HS6ST3: variants seen among roughly 807,000 people sequenced by gnomAD.
HS6ST3 encodes heparan-sulfate 6-O-sulfotransferase 3.
Under a neutral mutation model 36.7 loss-of-function variants are expected in HS6ST3, and 12 were observed. The observed-to-expected ratio is 0.33, with a 90% confidence interval of 0.21 to 0.53. The LOEUF (loss-of-function observed/expected upper bound fraction) is 0.53. Ranked by LOEUF, HS6ST3 falls within the 20% of genes least tolerant of loss-of-function variation. HS6ST3 has a pLI of 0.95. For synonymous variants in HS6ST3, 240 were observed against 257.5 expected, an observed-to-expected ratio of 0.93 and a Z score of 0.65; for missense variants, 584 against 640.9, an observed-to-expected ratio of 0.91 and a Z score of 0.96.
At chr13:96,668,545 T>C (rs1221175832) in intron 1 of HS6ST3, among the ~76,000 whole-genome samples, 1 of 152,072 alleles carries the variant, frequency 6.6e-6, no homozygotes, top group Admixed American at 6.6e-5. Flanking sequence ...ACAGAGCTAC[T>C]GTCGCTGCTA....
At chr13:96,630,972 G>T (rs2056530201) in intron 1 of HS6ST3, among the ~76,000 whole-genome samples, 1 of 152,004 alleles carries the variant, frequency 6.6e-6, no homozygotes, top group African/African-American at 2.4e-5. Context: ...ATATTTTTTA[G>T]AAGTACAGCT....
chr13:96,656,996 T>TGAGAGAGAGA (rs1175623855), intron 1 of HS6ST3, among the ~76,000 whole-genome samples: 2 of 124,078 alleles, frequency 1.6e-5, no homozygotes, highest in African/African-American at 6.0e-5. Context: ...TGTGTGTGTG[T>TGAGAGAGAGA]GTGAGAGAGA....
At chr13:96,258,344 T>C (rs1282205392) in intron 1 of HS6ST3, among the ~76,000 whole-genome samples, 2 of 151,882 alleles carry the variant, frequency 1.3e-5, no homozygotes, top group East Asian at 3.9e-4. Flanking sequence ...CTAGTTCTCA[T>C]GTCAGATGTT....
At chr13:96,157,488 G>A (rs1309802407) in intron 1 of HS6ST3, among the ~76,000 whole-genome samples, 1 of 152,190 alleles carries the variant, frequency 6.6e-6, no homozygotes, top group African/African-American at 2.4e-5. Flanking sequence ...TGACATTTCA[G>A]AAAGCAATGA....
At position 96,424,471 on chromosome 13, in the gene HS6ST3, A is replaced by T. The variant is rs111708683; in HGVS notation, c.707+332902A>T. 1.7e-3 allele frequency among the ~76,000 whole-genome samples: 262 copies of T among 152,338 alleles called. 1 individual carries two copies. The highest frequency in any genetic ancestry group is 6.0e-3 in the African/African-American group (249 of 41,590). On this transcript the variant is annotated intron_variant, in intron 1 of 1. Transcript: ENST00000376705. ...AATTTACAATAAACCCTGAAGTGAC[A>T]TCTTAGTCCCTTTGAGTTGCTGTAA...
intron 1 of HS6ST3, among the ~76,000 whole-genome samples, chr13:96,259,355 A>G (rs2054653101): frequency 6.6e-6 from 1 of 152,130 alleles, no homozygotes; most frequent in Non-Finnish European, 1.5e-5. Flanking sequence ...AGACCTAGAA[A>G]GCTCCCCTGA....
chr13:96,562,257 AG>A (rs1222780848), intron 1 of HS6ST3, among the ~76,000 whole-genome samples: 1 of 152,202 alleles, frequency 6.6e-6, no homozygotes, highest in Non-Finnish European at 1.5e-5. Flanking sequence ...CATTATCCTA[AG>A]CAAATTAACA....
In HS6ST3 at chr13:96,834,923, A is replaced by G. The variant is rs573407494; in HGVS notation, c.*1725A>G. On this transcript the variant is annotated 3_prime_UTR_variant, in exon 2 of 2. Transcript: ENST00000376705. ...CATCTGGGGTGCAAGGGAAGGCATTATCGGGTGGCTCCCTTGCTCCAGGAA... is the reference window on the plus strand; with the variant it reads ...CATCTGGGGTGCAAGGGAAGGCATTGTCGGGTGGCTCCCTTGCTCCAGGAA... The G allele has an allele frequency of 3.3e-5, 5 of 152,678 alleles. No homozygotes were observed. The highest frequency in any genetic ancestry group is 7.3e-5 in the Non-Finnish European group (5 of 68,034). The allele number at this position is 152,678 out of a possible 1,614,324, so 9.5% of individuals were successfully genotyped here. A position where few individuals can be genotyped will look rare whatever the true frequency, so the allele number is the denominator to read the frequency against.
At chr13:96,676,693 C>T (rs181579900) in intron 1 of HS6ST3, among the ~76,000 whole-genome samples, 26 of 152,184 alleles carry the variant, frequency 1.7e-4, no homozygotes, top group Admixed American at 1.0e-3. Context: ...AGGTCTAAGT[C>T]ATAATTTTCT....
intron 1 of HS6ST3, among the ~76,000 whole-genome samples, chr13:96,143,542 T>C (rs1167446105): frequency 2.0e-5 from 3 of 151,494 alleles, no homozygotes; most frequent in Non-Finnish European, 4.4e-5. Flanking sequence ...ATAATTGAAT[T>C]TCTAAATTAT....
At chr13:96,721,531 C>T (rs995976349) in intron 1 of HS6ST3, among the ~76,000 whole-genome samples, 1 of 152,082 alleles carries the variant, frequency 6.6e-6, no homozygotes, top group Non-Finnish European at 1.5e-5. Flanking sequence ...TAATGTCAAA[C>T]GAGCCAATCT....
chr13:96,641,340 G>T (rs766999389), intron 1 of HS6ST3, among the ~76,000 whole-genome samples: 20 of 151,320 alleles, frequency 1.3e-4, no homozygotes, highest in Non-Finnish European at 2.2e-4. Flanking sequence ...GTATAGAAAT[G>T]CTACTGATCT....
intron 1 of HS6ST3, among the ~76,000 whole-genome samples, chr13:96,429,646 C>T (rs1440730155): frequency 6.6e-6 from 1 of 152,122 alleles, no homozygotes; most frequent in Non-Finnish European, 1.5e-5. Flanking sequence ...TATTTGAAGT[C>T]CAGAGAAATT....
chr13:96,685,859 A>C (rs999777629), intron 1 of HS6ST3, among the ~76,000 whole-genome samples: 1 of 152,070 alleles, frequency 6.6e-6, no homozygotes, highest in Admixed American at 6.6e-5. Flanking sequence ...TGCCACTTTC[A>C]TTCCCTGACA....
chr13:96,139,567 A>AAAAAAAAAAAAAAAAAAAAAAAAT (rs1491242538), intron 1 of HS6ST3, among the ~76,000 whole-genome samples: 3 of 138,696 alleles, frequency 2.2e-5, no homozygotes, highest in Admixed American at 7.1e-5. Context: ...AAAAAAAAAA[A>AAAAAAAAAAAAAAAAAAAAAAAAT]TCCATGTATA....
chr13:96,294,514 C>T (rs1451409732), intron 1 of HS6ST3, among the ~76,000 whole-genome samples: 1 of 152,102 alleles, frequency 6.6e-6, no homozygotes, highest in Non-Finnish European at 1.5e-5. Context: ...GTGGCTCCTG[C>T]TTGGGGGAAT....
At position 96,706,413 on chromosome 13, in the gene HS6ST3, T is replaced by TTATATATATATATATATATA. The variant is rs3052119; in HGVS notation, c.708-126068_708-126049dup. On this transcript the variant is annotated intron_variant, in intron 1 of 1. Transcript: ENST00000376705. ...TATATAAAATATAATAGAATATATT[T>TTATATATATATATATATATA]TATATATATATATATATATATATAT... Among the ~76,000 whole-genome samples, 476 of 120,874 alleles carry TTATATATATATATATATATA rather than the reference T, an allele frequency of 3.9e-3. 15 individuals are homozygous for TTATATATATATATATATATA. The highest frequency in any genetic ancestry group is 0.014 in the African/African-American group (399 of 28,184). The allele number at this position is 120,874 out of a possible 152,430, so 79.3% of individuals were successfully genotyped here. A position where few individuals can be genotyped will look rare whatever the true frequency, so the allele number is the denominator to read the frequency against.
intron 1 of HS6ST3, among the ~76,000 whole-genome samples, chr13:96,400,787 G>A (rs1176690203): frequency 6.6e-6 from 1 of 152,050 alleles, no homozygotes; most frequent in Non-Finnish European, 1.5e-5. Flanking sequence ...CACAAAATTT[G>A]TTTCTTTCCT....
At chr13:96,320,104 A>G (rs2054996107) in intron 1 of HS6ST3, among the ~76,000 whole-genome samples, 1 of 151,816 alleles carries the variant, frequency 6.6e-6, no homozygotes, top group Non-Finnish European at 1.5e-5. Context: ...TCTATCAGAG[A>G]CCTCCCTGAT....
Sources: allele counts gnomAD v4.1 joint callset (sites outside exome capture counted in the v4.1 genomes callset), GRCh38; gene constraint gnomAD v4.1.1; transcripts MANE v1.5; gene names NCBI Gene and HGNC (gene_info 2026-07-23, HGNC 2026-07-21).